The following KATNAL2 variants were observed in gnomAD, a reference collection of about 807,000 sequenced individuals.
KATNAL2 encodes the protein katanin p60 ATPase-containing subunit A-like 2.
KATNAL2 carries 52 observed loss-of-function variants against 76.3 expected under a neutral mutation model. The observed-to-expected ratio is 0.68, with a 90% CI of 0.55 to 0.86. The LOEUF (loss-of-function observed/expected upper bound fraction) is 0.86, where lower values mean the gene tolerates loss of function less well. Ranked by LOEUF, KATNAL2 falls within the 40% of genes least tolerant of loss-of-function variation. The pLI, the probability that KATNAL2 is intolerant of heterozygous loss-of-function variation, is 0.00. For synonymous variants in KATNAL2, 243 were observed against 244.2 expected, an observed-to-expected ratio of 1.00 and a Z score of 0.05; for missense variants, 660 against 668.9, an observed-to-expected ratio of 0.99 and a Z score of 0.15.
At chr18:47,031,363 T>C (rs140787636) in intron 3 of KATNAL2, among the ~76,000 whole-genome samples, 4 of 151,748 alleles carry the variant, frequency 2.6e-5, no homozygotes, top group African/African-American at 9.7e-5. Flanking sequence ...TCTGCTGTCG[T>C]TGGCAGTTTC....
rs552303896 is a variant in KATNAL2 at position 47,036,243 on chromosome 18, C to T, written c.52-10214C>T. Among the ~76,000 whole-genome samples the T allele has an allele frequency of 3.9e-5, 6 of 152,264 alleles. No homozygotes were observed. In the South Asian group the frequency reaches 8.3e-4, roughly 21 times the overall value. On this transcript the variant is annotated intron_variant, in intron 3 of 17. Transcript: ENST00000683218. Reference sequence around the variant, plus strand: ...CCTTTTGAAACTCTTGCCAAACTGCCCTTTGTTCAGTGAAATGCTACAGCA... The same window carrying T: ...CCTTTTGAAACTCTTGCCAAACTGCTCTTTGTTCAGTGAAATGCTACAGCA...
In KATNAL2 at chr18:46,928,988, G is replaced by A. The variant is rs1469117733; in HGVS notation, c.-510+11062G>A. On this transcript the variant is annotated intron_variant, in intron 1 of 17. Coordinates refer to ENST00000683218, the MANE Select transcript of KATNAL2 (RefSeq NM_001387690.1). ...TTTTTTTTGTACTTTTAGTAGAGACGGGTTTTCACCATTTGGGCAGGCTGG... is the reference window on the plus strand; with the variant it reads ...TTTTTTTTGTACTTTTAGTAGAGACAGGTTTTCACCATTTGGGCAGGCTGG... Among the ~76,000 whole-genome samples, 8 of 152,034 alleles carry A rather than the reference G, an allele frequency of 5.3e-5. No individual in the cohort carries two copies. The East Asian group carries it at 5.9e-4, about 11-fold the overall frequency.
At chr18:46,946,703 T>G in intron 2 of KATNAL2, 151 bp from the exon 3 acceptor site, 1 of 1,057,936 alleles carries the variant, frequency 9.5e-7, no homozygotes, top group South Asian at 1.6e-5. Context: ...GGTCTAACAT[T>G]GATTGGCATG....
intron 1 of KATNAL2, among the ~76,000 whole-genome samples, chr18:46,928,432 C>T (rs56147950): frequency 0.076 from 11,616 of 152,150 alleles, 475 homozygotes; most frequent in African/African-American, 0.098. Flanking sequence ...GCTGCCTGAT[C>T]GTTCCTCTGG....
chr18:47,100,284 A>G lies in KATNAL2; in HGVS notation c.1405A>G (p.Lys469Glu). Residue 469 changes from lysine (K) to glutamate (E), a missense_variant, in exon 17 of 18, where the codon AAG (lysine) becomes GAG (glutamate). Coordinates refer to ENST00000683218, the MANE Select transcript of KATNAL2 (RefSeq NM_001387690.1). Reference protein sequence around the residue: ...ETEGYSGSDIKLVCREAAMRP... With the variant: ...ETEGYSGSDIELVCREAAMRP... ...TGAGGGCTACTCAGGCTCAGATATT[A>G]AGCTCGTCTGCAGGGAAGCAGCCAT... 1 of 1,614,066 alleles carries G rather than the reference A, an allele frequency of 6.2e-7. No homozygotes were observed. Among genetic ancestry groups the G allele is most frequent in the Non-Finnish European group, 8.5e-7 (1 of 1,179,956 alleles).
intron 3 of KATNAL2, among the ~76,000 whole-genome samples, chr18:47,040,543 G>A (rs2060927422): frequency 6.6e-6 from 1 of 152,064 alleles, no homozygotes; most frequent in Non-Finnish European, 1.5e-5. Flanking sequence ...TAAAAATCAA[G>A]TATAAAAACA....
In KATNAL2 at chr18:47,071,906, TA is replaced by T. The variant is rs775058447; in HGVS notation, c.1008+2320del. On this transcript the variant is annotated intron_variant, in intron 13 of 17. Transcript: ENST00000683218. ...TGGAGTGGGAGCAAAAAAAATTAAT[TA>T]AAAAAAAAAAAAAGAGTGAGGAAAC... Among the ~76,000 whole-genome samples, 273 of 105,298 alleles carry T rather than the reference TA, an allele frequency of 2.6e-3. 7 individuals carry two copies. Among genetic ancestry groups the T allele is most frequent in the Admixed American group, 2.8e-3 (28 of 9,872 alleles). 69.1% of individuals were successfully genotyped at this position (105,298 alleles called of 152,430 possible).
intron 4 of KATNAL2, among the ~76,000 whole-genome samples, chr18:47,049,261 A>G (rs2061266195): frequency 6.6e-6 from 1 of 152,248 alleles, no homozygotes; most frequent in Non-Finnish European, 1.5e-5. Flanking sequence ...GGTAGATGCC[A>G]TTATTACGAG....
At chr18:46,946,970 C>T in intron 3 of KATNAL2, 47 bp downstream of exon 3, 1 of 1,232,108 alleles carries the variant, frequency 8.1e-7, no homozygotes, top group Non-Finnish European at 1.2e-6. Context: ...AACCCCTCTC[C>T]TACTGTTGCT....
intron 3 of KATNAL2, among the ~76,000 whole-genome samples, chr18:46,957,003 A>T (rs1369402186): frequency 6.8e-6 from 1 of 147,090 alleles, no homozygotes. Flanking sequence ...AGATCATGCC[A>T]TTCAGCCTGG....
intron 15 of KATNAL2, among the ~76,000 whole-genome samples, chr18:47,096,710 C>T (rs1331821622): frequency 6.6e-6 from 1 of 152,178 alleles, no homozygotes; most frequent in East Asian, 1.9e-4. Flanking sequence ...TTCACAGACT[C>T]ACACTCAAGA....
At chr18:46,954,419 C>G (rs2059662633) in intron 3 of KATNAL2, among the ~76,000 whole-genome samples, 1 of 150,326 alleles carries the variant, frequency 6.7e-6, no homozygotes, top group South Asian at 2.1e-4. Flanking sequence ...CAACCTCTGC[C>G]TCCCATGTTC....
chr18:46,922,142 C>T (rs1275254735), intron 1 of KATNAL2, among the ~76,000 whole-genome samples: 1 of 150,736 alleles, frequency 6.6e-6, no homozygotes, highest in Non-Finnish European at 1.5e-5. Context: ...ACTCTGTCGC[C>T]CAGGCTAGAG....
chr18:47,038,909 T>C (rs763787274), intron 3 of KATNAL2, among the ~76,000 whole-genome samples: 2 of 152,214 alleles, frequency 1.3e-5, no homozygotes, highest in Non-Finnish European at 2.9e-5. Context: ...CCTGTATTAC[T>C]CTTCTGTTCA....
At chr18:47,061,883 C>G (rs1252951466) in intron 8 of KATNAL2, among the ~76,000 whole-genome samples, 1 of 151,312 alleles carries the variant, frequency 6.6e-6, no homozygotes, top group African/African-American at 2.4e-5. Context: ...TTTGGTGCAT[C>G]CTTGCTTTTT....
intron 1 of KATNAL2, among the ~76,000 whole-genome samples, chr18:46,934,011 T>C (rs1599349994): frequency 1.3e-5 from 2 of 150,916 alleles, no homozygotes; most frequent in Admixed American, 1.3e-4. Flanking sequence ...TATTCCATGG[T>C]GTATATGTGC....
intron 10 of KATNAL2, among the ~76,000 whole-genome samples, chr18:47,065,627 G>A (rs1406661627): frequency 6.6e-6 from 1 of 152,008 alleles, no homozygotes; most frequent in Non-Finnish European, 1.5e-5. Flanking sequence ...TAGCCTGGGT[G>A]ACAGAGTGAG....
At position 46,946,893 on chromosome 18, in the gene KATNAL2, C is replaced by G. The variant is rs1418101720; in HGVS notation, c.21C>G (p.Thr7=). MELSYQ[T]LKFTHQAREA... ...GTCTGATGGAGCTTTCCTACCAGACCCTGAAATTCACGCATCAGGCGCGGG... is the reference window on the plus strand; with the variant it reads ...GTCTGATGGAGCTTTCCTACCAGACGCTGAAATTCACGCATCAGGCGCGGG... The change falls in exon 3 of 18, where the codon ACC becomes ACG. Residue 7 remains threonine, a synonymous_variant. Transcript: ENST00000683218. The G allele has an allele frequency of 2.0e-6, 3 of 1,535,544 alleles. No homozygotes were observed. The highest frequency in any genetic ancestry group is 4.9e-5 in the East Asian group (2 of 40,914).
At chr18:46,954,999 T>C (rs1329466375) in intron 3 of KATNAL2, among the ~76,000 whole-genome samples, 1 of 152,018 alleles carries the variant, frequency 6.6e-6, no homozygotes, top group Non-Finnish European at 1.5e-5. Flanking sequence ...GTTTTCTCTA[T>C]TTTTGGTTTT....
Sources: allele counts gnomAD v4.1 joint callset (sites outside exome capture counted in the v4.1 genomes callset), GRCh38; gene constraint gnomAD v4.1.1; transcripts MANE v1.5; gene names NCBI Gene and HGNC (gene_info 2026-07-23, HGNC 2026-07-21).